The following KIAA1217 variants were observed in gnomAD, a reference collection of about 807,000 sequenced individuals.
KIAA1217 encodes the protein KIAA1217, also known as sickle tail protein homolog.
In KIAA1217, 88 loss-of-function variants were observed where a neutral mutation model predicts 163.9. The ratio of observed to expected loss-of-function variants is 0.54; its 90% CI spans 0.45 to 0.64. KIAA1217 has a LOEUF of 0.64. Ranked by LOEUF, KIAA1217 falls within the 30% of genes least tolerant of loss-of-function variation. The probability of loss-of-function intolerance (pLI) is 0.00; values close to 1 mark genes in which losing one functional copy is unlikely to be tolerated. For missense variants in KIAA1217, 2,372 were observed against 2,475.0 expected (o/e 0.96, Z 0.88); for synonymous variants, 903 against 923.1 (o/e 0.98, Z 0.39).
At chr10:24,526,411 C>A (rs2072191580) in intron 13 of KIAA1217, among the ~76,000 whole-genome samples, 1 of 152,056 alleles carries the variant, frequency 6.6e-6, no homozygotes, top group Non-Finnish European at 1.5e-5. Flanking sequence ...GAGGGAAAGA[C>A]ATTTCCTCCT....
chr10:24,089,168 T>G (rs2061830482), intron 2 of KIAA1217, among the ~76,000 whole-genome samples: 2 of 125,172 alleles, frequency 1.6e-5, no homozygotes, highest in African/African-American at 5.0e-5. Context: ...TAAATTTGTT[T>G]GTGTTCTTTG....
chr10:24,473,782 C>A lies in KIAA1217; in HGVS notation c.1401C>A (p.Gly467=). 6.2e-7 allele frequency: 1 copy of A among 1,614,140 alleles called. No homozygotes were observed. The highest frequency in any genetic ancestry group is 8.5e-7 in the Non-Finnish European group (1 of 1,180,046). The change falls in exon 6 of 21, where the codon GGC becomes GGA. Residue 467 remains glycine, a synonymous_variant. Transcript: ENST00000376454. ...CGGATAGCCATTTGCCTACACTGGG[C>A]TCCAAAACACCCCCTGCCTCTCCTC... is the stretch of plus-strand genomic sequence containing the variant. ...KYPDSHLPTL[G]SKTPPASPHR...
At chr10:24,432,520 A>G (rs1219443595) in intron 3 of KIAA1217, among the ~76,000 whole-genome samples, 1 of 151,908 alleles carries the variant, frequency 6.6e-6, no homozygotes, top group African/African-American at 2.4e-5. Flanking sequence ...CAGTGGCGCA[A>G]TCATAGCTCA....
intron 2 of KIAA1217, chr10:24,368,749 C>A: frequency 1.7e-6 from 1 of 605,322 alleles, no homozygotes; most frequent in Non-Finnish European, 2.1e-6. Flanking sequence ...CCCTTCTCCT[C>A]TCACATAGGA....
intron 2 of KIAA1217, among the ~76,000 whole-genome samples, chr10:24,146,499 A>G (rs2064318357): frequency 6.6e-6 from 1 of 152,174 alleles, no homozygotes; most frequent in Admixed American, 6.5e-5. Context: ...CAGCCTGGGC[A>G]ACATGACGAA....
intron 5 of KIAA1217, 28 bp from the exon 6 acceptor site, chr10:24,473,200 A>G (rs2063711122): frequency 6.8e-7 from 1 of 1,468,470 alleles, no homozygotes; most frequent in African/African-American, 1.4e-5. Context: ...ATCAAAGTCA[A>G]CTTTCTGATC....
chr10:24,006,878 G>C (rs1847022551), intron 1 of KIAA1217, among the ~76,000 whole-genome samples: 2 of 152,152 alleles, frequency 1.3e-5, no homozygotes, highest in African/African-American at 2.4e-5. Context: ...TTTTCATTCA[G>C]CCTCTCTGAT....
chr10:24,009,264 C>T (rs1847143151), intron 2 of KIAA1217, among the ~76,000 whole-genome samples: 1 of 152,112 alleles, frequency 6.6e-6, no homozygotes, highest in Admixed American at 6.5e-5. Context: ...CCCATTATCA[C>T]ATGGAATGTG....
At chr10:24,293,916 G>T (rs1318004609) in intron 2 of KIAA1217, among the ~76,000 whole-genome samples, 1 of 152,126 alleles carries the variant, frequency 6.6e-6, no homozygotes, top group African/African-American at 2.4e-5. Context: ...GTTCCTGGCC[G>T]GGTGCGGTGG....
chr10:24,300,058 C>T (rs2041122260), intron 2 of KIAA1217, among the ~76,000 whole-genome samples: 1 of 152,188 alleles, frequency 6.6e-6, no homozygotes, highest in South Asian at 2.1e-4. Flanking sequence ...AGGGTAGTCA[C>T]CAACCTTTAG....
chr10:24,069,201 G>A (rs1242668930), intron 2 of KIAA1217, among the ~76,000 whole-genome samples: 1 of 152,178 alleles, frequency 6.6e-6, no homozygotes, highest in East Asian at 1.9e-4. Flanking sequence ...GACCCCAACA[G>A]TACTGCAGTA....
At chr10:23,751,879 T>A (rs1354386049) in intron 1 of KIAA1217, among the ~76,000 whole-genome samples, 2 of 152,206 alleles carry the variant, frequency 1.3e-5, no homozygotes, top group East Asian at 3.9e-4. Context: ...AACGATGAGA[T>A]GAGAGAAAAT....
chr10:23,934,377 T>C (rs1333738583), intron 1 of KIAA1217, among the ~76,000 whole-genome samples: 1 of 149,642 alleles, frequency 6.7e-6, no homozygotes, highest in African/African-American at 2.5e-5. Flanking sequence ...CTAGGGCCTG[T>C]TGGGGGGTGA....
At chr10:24,246,481 C>T (rs370865737) in intron 2 of KIAA1217, among the ~76,000 whole-genome samples, 44 of 152,174 alleles carry the variant, frequency 2.9e-4, no homozygotes, top group East Asian at 1.5e-3. Flanking sequence ...TTTATTCTGT[C>T]GATATGAATG....
chr10:24,080,530 C>G (rs2061504898), intron 2 of KIAA1217, among the ~76,000 whole-genome samples: 1 of 152,106 alleles, frequency 6.6e-6, no homozygotes, highest in African/African-American at 2.4e-5. Context: ...TAGAAGCTCC[C>G]CTTGTGATTT....
chr10:24,077,068 G>A (rs928292817), intron 2 of KIAA1217, among the ~76,000 whole-genome samples: 3 of 151,974 alleles, frequency 2.0e-5, no homozygotes, highest in Admixed American at 1.3e-4. Context: ...GTAGAGACAG[G>A]GTTTTACCGT....
chr10:23,935,334 A>T (rs978709370), intron 1 of KIAA1217, among the ~76,000 whole-genome samples: 25 of 152,194 alleles, frequency 1.6e-4, no homozygotes, highest in Admixed American at 5.2e-4. Flanking sequence ...CAAATATCAG[A>T]CTTCTGCCCA....
Position 24,546,029 on chromosome 10 carries a change from C to T in KIAA1217, c.5537C>T (p.Pro1846Leu). ...AACCCTCTCAGCCCCCAAACAGGAC[C>T]ACCTGCTCACTCTGCCTCCCTCATC... ...ASNPLSPQTGPPAHSASLIPS... is the reference protein window; with the variant it reads ...ASNPLSPQTGLPAHSASLIPS... The change falls in exon 21 of 21, where the codon CCA becomes CTA. Residue 1846 changes from proline (P) to leucine (L), a missense_variant. Around this residue, in one of 3 missense-constraint regions of KIAA1217, gnomAD observed 690 missense variants for 677.5 expected, o/e 1.02. Coordinates refer to ENST00000376454, the MANE Select transcript of KIAA1217 (RefSeq NM_019590.5). 1 of 1,614,204 alleles carries T rather than the reference C, an allele frequency of 6.2e-7. No individual in the cohort carries two copies. The highest frequency in any genetic ancestry group is 8.5e-7 in the Non-Finnish European group (1 of 1,180,036).
chr10:23,982,072 A>G (rs943006356), intron 1 of KIAA1217, among the ~76,000 whole-genome samples: 2 of 151,820 alleles, frequency 1.3e-5, no homozygotes, highest in Non-Finnish European at 2.9e-5. Context: ...GTGCCTGGAA[A>G]AATTCAAGCA....
Sources: gnomAD v4.1 joint callset for allele counts (sites outside exome capture counted in the v4.1 genomes callset) on GRCh38, gnomAD v4.1.1 for gene constraint, gnomAD v4.1.1 regional missense constraint, MANE v1.5 for transcripts, NCBI Gene and HGNC (gene_info 2026-07-23, HGNC 2026-07-21) for gene names.